Variants in METTL24 observed in about 807,000 individuals in gnomAD.
METTL24 encodes probable methyltransferase-like protein 24.
In METTL24, 29 loss-of-function variants were observed where a neutral mutation model predicts 32.7. The ratio of observed to expected loss-of-function variants is 0.89; its 90% CI spans 0.66 to 1.21. The LOEUF (loss-of-function observed/expected upper bound fraction) is 1.21, where lower values mean the gene tolerates loss of function less well. Ranked by LOEUF, METTL24 falls within the 50% of genes most tolerant of loss-of-function variation. The pLI is 0.00. For missense variants in METTL24, 439 were observed against 468.1 expected, an observed-to-expected ratio of 0.94 and a Z score of 0.57; for synonymous variants, 163 against 179.5, an observed-to-expected ratio of 0.91 and a Z score of 0.73.
chr6:110,314,779 T>G (rs182727903), intron 3 of METTL24, among the ~76,000 whole-genome samples: 5 of 152,058 alleles, frequency 3.3e-5, no homozygotes, highest in Admixed American at 3.3e-4. Context: ...CTGGGCAACA[T>G]GGCAAAACCC....
intron 4 of METTL24, among the ~76,000 whole-genome samples, chr6:110,275,514 C>T (rs983682048): frequency 1.3e-5 from 2 of 152,144 alleles, no homozygotes; most frequent in African/African-American, 4.8e-5. Flanking sequence ...CTCCTTAACT[C>T]CCCAAGCCAA....
intron 4 of METTL24, among the ~76,000 whole-genome samples, chr6:110,274,908 C>T (rs1264032248): frequency 3.3e-5 from 5 of 150,748 alleles, no homozygotes; most frequent in Non-Finnish European, 7.4e-5. Flanking sequence ...AACCATTCCT[C>T]CCACCTTAGC....
rs184262832 is a variant in METTL24, at chr6:110,293,938, G to A, written c.786+4984C>T. Among the ~76,000 whole-genome samples, 222 of 150,782 alleles carry A rather than the reference G, an allele frequency of 1.5e-3. 1 individual carries two copies. The highest frequency in any genetic ancestry group is 4.7e-3 in the African/African-American group (193 of 41,092). On this transcript the variant is annotated intron_variant, in intron 4 of 4. Coordinates refer to ENST00000338882, the MANE Select transcript of METTL24 (RefSeq NM_001123364.3). ...ATGATATAAATCCTTATTTTTCCCC[G>A]ACTTTAATAAGGATATTTCCACTGT...
intron 4 of METTL24, among the ~76,000 whole-genome samples, chr6:110,263,601 A>G (rs979834196): frequency 2.2e-4 from 33 of 152,348 alleles, no homozygotes; most frequent in African/African-American, 7.5e-4. Context: ...GACTTTCTTC[A>G]CAGAATTGGA....
At chr6:110,259,228 G>A (rs1778443485) in intron 4 of METTL24, among the ~76,000 whole-genome samples, 1 of 152,148 alleles carries the variant, frequency 6.6e-6, no homozygotes, top group Non-Finnish European at 1.5e-5. Context: ...CAAGGAAAAG[G>A]GTGACAGACG....
intron 4 of METTL24, among the ~76,000 whole-genome samples, chr6:110,252,314 C>T (rs1281792661): frequency 6.6e-6 from 1 of 152,220 alleles, no homozygotes; most frequent in Non-Finnish European, 1.5e-5. Context: ...GGTTTGGTTT[C>T]TCCTAAGTCC....
intron 4 of METTL24, 152 bp from the exon 5 acceptor site, chr6:110,246,412 GA>G: frequency 1.5e-6 from 1 of 666,340 alleles, no homozygotes; most frequent in Non-Finnish European, 2.5e-6. Flanking sequence ...TTTATGACAT[GA>G]ATTTCTAACC....
At chr6:110,255,420 A>T (rs1012219190) in intron 4 of METTL24, among the ~76,000 whole-genome samples, 1 of 152,178 alleles carries the variant, frequency 6.6e-6, no homozygotes, top group African/African-American at 2.4e-5. Context: ...GTGACCAGCC[A>T]AGATGTCAGA....
chr6:110,339,312 A>G (rs188771426), intron 1 of METTL24, among the ~76,000 whole-genome samples: 11 of 152,320 alleles, frequency 7.2e-5, no homozygotes, highest in Non-Finnish European at 7.3e-5. Flanking sequence ...AGTTTCTATC[A>G]GTTGTACAAG....
intron 3 of METTL24, among the ~76,000 whole-genome samples, chr6:110,300,987 C>T (rs1271485787): frequency 6.6e-6 from 1 of 152,080 alleles, no homozygotes; most frequent in Non-Finnish European, 1.5e-5. Context: ...ATATCCAGGA[C>T]TTGAGCATCC....
At chr6:110,309,866 AAAAAC>A (rs543763659) in intron 3 of METTL24, among the ~76,000 whole-genome samples, 54 of 152,140 alleles carry the variant, frequency 3.5e-4, no homozygotes, top group Middle Eastern at 3.4e-3. Flanking sequence ...TAGGAGCAAA[AAAAAC>A]AAAACAAAAC....
chr6:110,266,687 T>C lies in METTL24; in HGVS notation c.787-20427A>G, dbSNP rs545700436. Among the ~76,000 whole-genome samples, 9 of 152,260 alleles carry C rather than the reference T, an allele frequency of 5.9e-5. No individual in the cohort carries two copies. The South Asian group carries it at 1.7e-3, about 28-fold the overall frequency. On this transcript the variant is annotated intron_variant, in intron 4 of 4. Coordinates refer to ENST00000338882, the MANE Select transcript of METTL24 (RefSeq NM_001123364.3). ...TGGTCACTTCCTTTGGGCTGAAAAA[T>C]CTCAGTTTGAGGCAGCATGTTCACA...
chr6:110,258,821 CAACAA>C (rs1778434130), intron 4 of METTL24, among the ~76,000 whole-genome samples: 1 of 146,294 alleles, frequency 6.8e-6, no homozygotes, highest in South Asian at 2.2e-4. Context: ...CACACACACA[CAACAA>C]AACAAAACAA....
At chr6:110,315,120 T>C (rs1771794271) in intron 3 of METTL24, among the ~76,000 whole-genome samples, 1 of 152,132 alleles carries the variant, frequency 6.6e-6, no homozygotes, top group Admixed American at 6.5e-5. Flanking sequence ...TCCAACTTGC[T>C]ATCAGCAGAA....
At chr6:110,311,170 T>C (rs1440801204) in intron 3 of METTL24, among the ~76,000 whole-genome samples, 1 of 152,132 alleles carries the variant, frequency 6.6e-6, no homozygotes, top group Non-Finnish European at 1.5e-5. Context: ...CTTCCCTCAC[T>C]ATCAGTTGAG....
At chr6:110,346,910 ATATGTAAATACATTT>A (rs1301954989) in intron 1 of METTL24, among the ~76,000 whole-genome samples, 1 of 152,162 alleles carries the variant, frequency 6.6e-6, no homozygotes, top group Non-Finnish European at 1.5e-5. Context: ...AATCATCGTT[ATATGTAAATACATTT>A]TTTTTGACTT....
intron 4 of METTL24, among the ~76,000 whole-genome samples, chr6:110,290,067 C>T (rs1771291339): frequency 6.6e-6 from 1 of 152,022 alleles, no homozygotes; most frequent in Non-Finnish European, 1.5e-5. Context: ...AGGTGTGTGT[C>T]ACCACACCTG....
At chr6:110,333,644 G>A (rs1772151788) in intron 1 of METTL24, among the ~76,000 whole-genome samples, 1 of 152,078 alleles carries the variant, frequency 6.6e-6, no homozygotes, top group Non-Finnish European at 1.5e-5. Context: ...GTTTCACCAT[G>A]TTGGCCAGGC....
chr6:110,265,660 G>T (rs531341353), intron 4 of METTL24, among the ~76,000 whole-genome samples: 1 of 152,194 alleles, frequency 6.6e-6, no homozygotes, highest in East Asian at 1.9e-4. Context: ...GGATGTAATG[G>T]CTGGAGCTCC....
Sources: gnomAD v4.1 joint callset for allele counts (sites outside exome capture counted in the v4.1 genomes callset) on GRCh38, gnomAD v4.1.1 for gene constraint, MANE v1.5 for transcripts, NCBI Gene and HGNC (gene_info 2026-07-23, HGNC 2026-07-21) for gene names.